The following CCSER1 variants were observed in gnomAD, a reference collection of about 807,000 sequenced individuals.
CCSER1 encodes coiled-coil serine rich protein 1.
In CCSER1, 41 loss-of-function variants were observed where a neutral mutation model predicts 82.0. The ratio of observed to expected loss-of-function variants is 0.50; its 90% confidence interval spans 0.39 to 0.65. The LOEUF (loss-of-function observed/expected upper bound fraction) is 0.65, where lower values mean the gene tolerates loss of function less well. CCSER1 is among the 30% of genes least tolerant of loss of function. The pLI is 0.00. For missense variants in CCSER1, 1,119 were observed against 1,064.2 expected (o/e 1.05, Z -0.72); for synonymous variants, 414 against 383.9 (o/e 1.08, Z -0.92).
chr4:90,974,145 C>G (rs1252518805), intron 9 of CCSER1, among the ~76,000 whole-genome samples: 2 of 151,448 alleles, frequency 1.3e-5, no homozygotes, highest in African/African-American at 4.9e-5. Flanking sequence ...TAATTTGCAG[C>G]AATGTGACAA....
At chr4:91,557,047 A>G (rs1371851615) in intron 10 of CCSER1, among the ~76,000 whole-genome samples, 1 of 150,146 alleles carries the variant, frequency 6.7e-6, no homozygotes, top group African/African-American at 2.5e-5. Context: ...TTTCTGTGAC[A>G]CTTTGCTTAA....
At chr4:90,216,180 G>A (rs946793550) in intron 1 of CCSER1, among the ~76,000 whole-genome samples, 3 of 152,156 alleles carry the variant, frequency 2.0e-5, no homozygotes, top group Non-Finnish European at 4.4e-5. Flanking sequence ...TAGAAATGCA[G>A]AATTTAAGGC....
At chr4:90,529,732 A>G (rs1447554531) in intron 5 of CCSER1, among the ~76,000 whole-genome samples, 1 of 152,036 alleles carries the variant, frequency 6.6e-6, no homozygotes, top group Non-Finnish European at 1.5e-5. Flanking sequence ...AATTTCTTAA[A>G]ATAATAACAT....
intron 8 of CCSER1, among the ~76,000 whole-genome samples, chr4:90,904,112 T>C (rs2150160798): frequency 6.6e-6 from 1 of 152,232 alleles, no homozygotes; most frequent in South Asian, 2.1e-4. Flanking sequence ...CTCTTGGTCT[T>C]GGTTTTATCT....
intron 6 of CCSER1, among the ~76,000 whole-genome samples, chr4:90,652,020 C>T (rs181878241): frequency 7.6e-4 from 116 of 152,240 alleles, no homozygotes; most frequent in Non-Finnish European, 1.2e-3. Context: ...GTATATTTAA[C>T]CCAGAAAGTC....
intron 1 of CCSER1, among the ~76,000 whole-genome samples, chr4:90,207,678 T>C (rs1739144259): frequency 6.6e-6 from 1 of 152,160 alleles, no homozygotes; most frequent in South Asian, 2.1e-4. Context: ...GCTGGGGTTT[T>C]TGTGGGGACG....
At chr4:90,802,893 TTTC>T (rs1262039184) in intron 7 of CCSER1, among the ~76,000 whole-genome samples, 3 of 132,130 alleles carry the variant, frequency 2.3e-5, no homozygotes, top group South Asian at 4.5e-4. Flanking sequence ...TCCTTTTTTC[TTTC>T]TTCTTTTTTT....
chr4:91,177,904 G>A (rs959040565), intron 10 of CCSER1, among the ~76,000 whole-genome samples: 3 of 152,130 alleles, frequency 2.0e-5, no homozygotes, highest in Admixed American at 6.5e-5. Flanking sequence ...TGTGATGTTA[G>A]GGTGTCAATT....
At chr4:91,559,790 A>G (rs967853872) in intron 10 of CCSER1, among the ~76,000 whole-genome samples, 3 of 151,420 alleles carry the variant, frequency 2.0e-5, no homozygotes, top group Non-Finnish European at 1.5e-5. Flanking sequence ...TTTCTAATGT[A>G]AGTTGTACAT....
rs190875458 is a variant in CCSER1 at position 91,585,245 on chromosome 4, G to A, written c.2218-13327G>A. Among the ~76,000 whole-genome samples the A allele has an allele frequency of 2.2e-3, 335 of 151,518 alleles. 1 individual carries two copies. The highest frequency in any genetic ancestry group is 5.7e-3 in the Admixed American group (87 of 15,138). ...ACTCCTTATTCGTGATGCCCAGGAT[G>A]CCTTTCTGACTTTTCAGTAATCCAA... On this transcript the variant is annotated intron_variant, in intron 10 of 10. Coordinates refer to ENST00000509176, the MANE Select transcript of CCSER1 (RefSeq NM_001145065.2).
chr4:90,615,377 A>T (rs1048569209), intron 5 of CCSER1, among the ~76,000 whole-genome samples: 15 of 152,264 alleles, frequency 9.9e-5, no homozygotes, highest in African/African-American at 3.4e-4. Context: ...CTTCTGTTTG[A>T]TCTGGGTAAA....
intron 10 of CCSER1, among the ~76,000 whole-genome samples, chr4:91,114,867 C>G (rs750904175): frequency 1.8e-4 from 28 of 152,062 alleles, no homozygotes; most frequent in Admixed American, 1.3e-4. Flanking sequence ...AAATTGTACA[C>G]TTATATACAA....
intron 5 of CCSER1, among the ~76,000 whole-genome samples, chr4:90,616,736 CACAAATA>C (rs756355408): frequency 3.4e-3 from 204 of 60,376 alleles, no homozygotes; most frequent in African/African-American, 8.5e-3. Context: ...CACACACACA[CACAAATA>C]AAATAAAATA....
rs186382554 is a variant in CCSER1, at chr4:91,459,536, C to T, written c.2218-139036C>T. Among the ~76,000 whole-genome samples, 248 of 152,026 alleles carry T rather than the reference C, an allele frequency of 1.6e-3. 2 individuals are homozygous for T. The highest frequency in any genetic ancestry group is 6.6e-3 in the South Asian group (32 of 4,818). On this transcript the variant is annotated intron_variant, in intron 10 of 10. Transcript: ENST00000509176. ...AAGAGCTGTGATATACGTGGCTCTC[C>T]AAGGTAGGGAGATGAAATAACAGAT...
At chr4:91,550,447 C>G (rs1762109542) in intron 10 of CCSER1, among the ~76,000 whole-genome samples, 2 of 152,124 alleles carry the variant, frequency 1.3e-5, no homozygotes, top group Admixed American at 1.3e-4. Flanking sequence ...TAAGTTGTGG[C>G]TCTCTGTATC....
At chr4:90,416,388 G>C (rs1755789895) in intron 4 of CCSER1, among the ~76,000 whole-genome samples, 1 of 152,100 alleles carries the variant, frequency 6.6e-6, no homozygotes, top group African/African-American at 2.4e-5. Context: ...TATCAAAAGA[G>C]AGCAGGCATT....
intron 9 of CCSER1, among the ~76,000 whole-genome samples, chr4:90,993,912 A>G (rs1255270019): frequency 6.6e-6 from 1 of 152,132 alleles, no homozygotes; most frequent in Non-Finnish European, 1.5e-5. Flanking sequence ...TGAGTAATTG[A>G]TAAATACTAC....
At chr4:90,640,599 T>C (rs1323529728) in intron 6 of CCSER1, among the ~76,000 whole-genome samples, 3 of 152,182 alleles carry the variant, frequency 2.0e-5, no homozygotes, top group Non-Finnish European at 4.4e-5. Context: ...TCATCTTGAA[T>C]TGTAATCTCC....
chr4:90,480,675 A>T (rs777138917), intron 5 of CCSER1, among the ~76,000 whole-genome samples: 16 of 152,138 alleles, frequency 1.1e-4, no homozygotes, highest in Non-Finnish European at 2.1e-4. Flanking sequence ...TTTGTCAAAG[A>T]TCAGATGGTT....
Sources: allele counts gnomAD v4.1 joint callset (sites outside exome capture counted in the v4.1 genomes callset), GRCh38; gene constraint gnomAD v4.1.1; transcripts MANE v1.5; gene names NCBI Gene and HGNC (gene_info 2026-07-23, HGNC 2026-07-21).